The following SDHB variants were observed in gnomAD, a reference collection of about 807,000 sequenced individuals.
SDHB encodes the protein succinate dehydrogenase complex iron sulfur subunit B.
Under a neutral mutation model 39.7 loss-of-function variants are expected in SDHB, and 21 were observed. That is an observed-to-expected ratio of 0.53 (90% CI 0.37 to 0.76). The LOEUF is 0.76. Among genes scored for constraint, SDHB ranks in the 30% least tolerant of loss-of-function variants. SDHB has a pLI of 0.00. For missense variants in SDHB, 343 were observed against 350.9 expected, an observed-to-expected ratio of 0.98 and a Z score of 0.18; for synonymous variants, 118 against 117.0, an observed-to-expected ratio of 1.01 and a Z score of -0.06.
chr1:17,051,733 A>T (rs6586496), intron 1 of SDHB, among the ~76,000 whole-genome samples: 127,229 of 151,318 alleles, frequency 0.84, 54,226 homozygotes, highest in East Asian at 0.98. Context: ...GCCCAGAAAA[A>T]AATTTTTGCT....
At chr1:17,050,725 A>G (rs2078141309) in intron 1 of SDHB, among the ~76,000 whole-genome samples, 1 of 152,150 alleles carries the variant, frequency 6.6e-6, no homozygotes, top group African/African-American at 2.4e-5. Context: ...ATGAAAGAAG[A>G]TTCTGAAATC....
chr1:17,037,644 A>T (rs1016875203), intron 2 of SDHB, among the ~76,000 whole-genome samples: 4 of 152,116 alleles, frequency 2.6e-5, no homozygotes, highest in African/African-American at 9.7e-5. Flanking sequence ...TTTAGTAGAG[A>T]CAGGGTTTTG....
chr1:17,042,008 G>A lies in SDHB; in HGVS notation c.200+2753C>T, dbSNP rs557188486. ...GTGATCTTGGCTCACTGCAACCTCC[G>A]CCTCCCATGTTCAAGTGATTCTCCC... is the stretch of plus-strand genomic sequence containing the variant. On this transcript the variant is annotated intron_variant, in intron 2 of 7. Coordinates refer to ENST00000375499, the MANE Select transcript of SDHB (RefSeq NM_003000.3). Among the ~76,000 whole-genome samples the A allele has an allele frequency of 2.2e-4, 33 of 151,746 alleles. No individual in the cohort carries two copies. The South Asian group carries it at 6.2e-3, about 29-fold the overall frequency.
intron 2 of SDHB, among the ~76,000 whole-genome samples, chr1:17,040,940 C>A (rs2078076828): frequency 6.6e-6 from 1 of 152,062 alleles, no homozygotes; most frequent in Non-Finnish European, 1.5e-5. Context: ...GACCAGCCTG[C>A]CAACATGGCG....
At chr1:17,023,850 A>G (rs980849407) in intron 6 of SDHB, 123 bp downstream of exon 6, 5 of 740,556 alleles carry the variant, frequency 6.8e-6, no homozygotes, top group Admixed American at 2.0e-5. Flanking sequence ...CCCTGTTTGG[A>G]CTGGATGGCA....
intron 7 of SDHB, among the ~76,000 whole-genome samples, chr1:17,021,825 A>G (rs2077963434): frequency 6.6e-6 from 1 of 152,128 alleles, no homozygotes; most frequent in African/African-American, 2.4e-5. Context: ...ATACAGCACG[A>G]AGGTTCTTGT....
intron 3 of SDHB, among the ~76,000 whole-genome samples, chr1:17,031,260 G>C (rs1000786527): frequency 3.3e-5 from 5 of 151,988 alleles, no homozygotes; most frequent in African/African-American, 9.7e-5. Context: ...AACTAGAGCA[G>C]TTTGCTTTTA....
At chr1:17,034,888 A>G (rs752749705) in intron 2 of SDHB, among the ~76,000 whole-genome samples, 20 of 152,168 alleles carry the variant, frequency 1.3e-4, no homozygotes, top group Non-Finnish European at 2.6e-4. Context: ...CCAATTATTT[A>G]TTGAACATTT....
At chr1:17,052,652 C>T (rs1013113870) in intron 1 of SDHB, among the ~76,000 whole-genome samples, 87 of 152,148 alleles carry the variant, frequency 5.7e-4, no homozygotes, top group African/African-American at 2.1e-3. Context: ...CAGCTTGAGG[C>T]TCTGGTAGGC....
chr1:17,040,364 A>C (rs2078073285), intron 2 of SDHB, among the ~76,000 whole-genome samples: 1 of 152,160 alleles, frequency 6.6e-6, no homozygotes, highest in South Asian at 2.1e-4. Flanking sequence ...GGGCTCAGGA[A>C]ATTCTTGGCC....
intron 5 of SDHB, among the ~76,000 whole-genome samples, chr1:17,024,716 G>A (rs994417427): frequency 1.3e-5 from 2 of 152,302 alleles, no homozygotes; most frequent in African/African-American, 2.4e-5. Context: ...ATGTGGCCCC[G>A]GCAGCTGGCT....
At chr1:17,043,771 G>C (rs988084152) in intron 2 of SDHB, among the ~76,000 whole-genome samples, 1 of 152,232 alleles carries the variant, frequency 6.6e-6, no homozygotes, top group African/African-American at 2.4e-5. Context: ...CAAGAGCCAA[G>C]GAGTGCGGCA....
At chr1:17,053,657 C>T (rs2078160749) in intron 1 of SDHB, among the ~76,000 whole-genome samples, 1 of 152,040 alleles carries the variant, frequency 6.6e-6, no homozygotes, top group Non-Finnish European at 1.5e-5. Context: ...CAGTCATTCG[C>T]TTGCCATGTG....
intron 2 of SDHB, among the ~76,000 whole-genome samples, chr1:17,040,373 C>T (rs552022930): frequency 3.3e-4 from 50 of 152,134 alleles, no homozygotes; most frequent in South Asian, 4.1e-4. Context: ...AAATTCTTGG[C>T]CATGAGTTCT....
chr1:17,043,313 T>C (rs145634164), intron 2 of SDHB, among the ~76,000 whole-genome samples: 30 of 152,290 alleles, frequency 2.0e-4, no homozygotes, highest in African/African-American at 6.5e-4. Flanking sequence ...TCCAAAACTG[T>C]GGTCTGTGCA....
intron 2 of SDHB, among the ~76,000 whole-genome samples, chr1:17,042,119 A>C (rs541487905): frequency 6.6e-6 from 1 of 152,050 alleles, no homozygotes; most frequent in African/African-American, 2.4e-5. Context: ...ATGGGGTTTC[A>C]CCATGTCGGC....
At chr1:17,033,845 ACAG>A (rs1273603548) in intron 2 of SDHB, among the ~76,000 whole-genome samples, 1 of 152,274 alleles carries the variant, frequency 6.6e-6, no homozygotes, top group Non-Finnish European at 1.5e-5. Context: ...CGAGATCTTT[ACAG>A]CAGCATCTGA....
At chr1:17,045,322 G>A (rs1056016763) in intron 1 of SDHB, 8 of 241,002 alleles carry the variant, frequency 3.3e-5, no homozygotes, top group African/African-American at 1.9e-4. Flanking sequence ...GGGAAGGAGT[G>A]TGGGGTGTGG....
At chr1:17,020,005 G>A (rs1253151585) in intron 7 of SDHB, among the ~76,000 whole-genome samples, 1 of 152,132 alleles carries the variant, frequency 6.6e-6, no homozygotes, top group Admixed American at 6.6e-5. Flanking sequence ...AAATATAGTG[G>A]GTGAAAAAAT....
Sources: gnomAD v4.1 joint callset for allele counts (sites outside exome capture counted in the v4.1 genomes callset) on GRCh38, gnomAD v4.1.1 for gene constraint, MANE v1.5 for transcripts, NCBI Gene and HGNC (gene_info 2026-07-23, HGNC 2026-07-21) for gene names.